ZNF532: variants seen among roughly 807,000 people sequenced by gnomAD.
The protein encoded by ZNF532 is zinc finger protein 532.
ZNF532 carries 22 observed loss-of-function variants against 89.3 expected under a neutral mutation model. The ratio of observed to expected loss-of-function variants is 0.25; its 90% CI spans 0.18 to 0.35. ZNF532 has a LOEUF of 0.35. ZNF532 is among the 10% of genes least tolerant of loss of function. The pLI, the probability that ZNF532 is intolerant of heterozygous loss-of-function variation, is 1.00. For synonymous variants in ZNF532, 606 were observed against 649.6 expected (o/e 0.93, Z 1.02); for missense variants, 1,132 against 1,643.4 (o/e 0.69, Z 5.38).
chr18:58,955,558 G>A (rs1353951807), intron 7 of ZNF532, among the ~76,000 whole-genome samples: 1 of 152,164 alleles, frequency 6.6e-6, no homozygotes. Context: ...GAACTATTCT[G>A]TAATCTCATT....
intron 8 of ZNF532, chr18:58,981,255 C>T (rs1257691537): frequency 1.7e-6 from 1 of 581,860 alleles, no homozygotes; most frequent in Non-Finnish European, 3.1e-6. Context: ...TTTTGAAATG[C>T]AATATTTTCC....
intron 7 of ZNF532, among the ~76,000 whole-genome samples, chr18:58,961,683 A>G (rs920559724): frequency 2.0e-5 from 3 of 152,236 alleles, no homozygotes; most frequent in Non-Finnish European, 2.9e-5. Context: ...TTTAAGATGG[A>G]TGCTGACAAC....
chr18:58,938,588 A>C (rs2062670716), intron 4 of ZNF532, among the ~76,000 whole-genome samples: 1 of 152,224 alleles, frequency 6.6e-6, no homozygotes, highest in Non-Finnish European at 1.5e-5. Flanking sequence ...TCTAGGAGAC[A>C]AAACACCTAG....
intron 2 of ZNF532, among the ~76,000 whole-genome samples, chr18:58,888,786 AAATATATATAAT>A (rs2058577010): frequency 1.6e-4 from 1 of 6,194 alleles, no homozygotes; most frequent in African/African-American, 3.6e-4. Flanking sequence ...TATATATATA[AAATATATATAAT>A]TTATATATAT....
chr18:58,928,173 G>T (rs1268427422), intron 3 of ZNF532, among the ~76,000 whole-genome samples: 1 of 152,110 alleles, frequency 6.6e-6, no homozygotes, highest in Non-Finnish European at 1.5e-5. Flanking sequence ...CCAGCAGAGG[G>T]TCTGTCTGCC....
At chr18:58,968,857 A>G (rs1001317285) in intron 7 of ZNF532, among the ~76,000 whole-genome samples, 1 of 152,220 alleles carries the variant, frequency 6.6e-6, no homozygotes, top group Non-Finnish European at 1.5e-5. Context: ...TTTCTTTAGG[A>G]AAATGTGTTC....
chr18:58,885,687 T>C (rs963266894), intron 2 of ZNF532, among the ~76,000 whole-genome samples: 1 of 152,008 alleles, frequency 6.6e-6, no homozygotes, highest in Non-Finnish European at 1.5e-5. Flanking sequence ...AAACTCCGTT[T>C]CTACAAAAAC....
At chr18:58,982,412 G>C (rs1356846961) in intron 9 of ZNF532, among the ~76,000 whole-genome samples, 1 of 152,074 alleles carries the variant, frequency 6.6e-6, no homozygotes, top group South Asian at 2.1e-4. Flanking sequence ...CTTGAGGCTA[G>C]GAGTTCGAGA....
chr18:58,978,513 C>CA (rs1417915125), intron 7 of ZNF532, among the ~76,000 whole-genome samples: 1 of 152,122 alleles, frequency 6.6e-6, no homozygotes, highest in African/African-American at 2.4e-5. Flanking sequence ...TGTGTTGAAT[C>CA]AAAAACCTGT....
intron 2 of ZNF532, among the ~76,000 whole-genome samples, chr18:58,879,537 T>TG (rs974862103): frequency 1.3e-5 from 2 of 151,908 alleles, no homozygotes; most frequent in African/African-American, 4.8e-5. Context: ...TACAGGTGCT[T>TG]GCCACCACGC....
intron 8 of ZNF532, chr18:58,980,819 T>TTTAGTAGAGACAGA (rs1449847618): frequency 6.6e-6 from 1 of 152,304 alleles, no homozygotes; most frequent in Non-Finnish European, 1.5e-5. Context: ...ATTTTGTATT[T>TTTAGTAGAGACAGA]TTAGTAGAGA....
At chr18:58,901,902 G>T (rs1455174540) in intron 2 of ZNF532, among the ~76,000 whole-genome samples, 1 of 152,164 alleles carries the variant, frequency 6.6e-6, no homozygotes, top group Non-Finnish European at 1.5e-5. Context: ...GTGCCCACTG[G>T]CTTCCCTCCC....
intron 2 of ZNF532, among the ~76,000 whole-genome samples, chr18:58,883,938 G>A (rs1414992610): frequency 6.6e-6 from 1 of 152,142 alleles, no homozygotes; most frequent in African/African-American, 2.4e-5. Context: ...CTCTGTTGAG[G>A]GAAGCAAGCC....
At chr18:58,945,506 T>C (rs2063568984) in intron 5 of ZNF532, among the ~76,000 whole-genome samples, 1 of 152,168 alleles carries the variant, frequency 6.6e-6, no homozygotes, top group Non-Finnish European at 1.5e-5. Context: ...CTCAGAATGA[T>C]AGCTACGTAA....
rs1273844832 is a variant in ZNF532, at chr18:58,919,211, G to A, written c.924G>A (p.Pro308=). 17 of 1,613,958 alleles carry A rather than the reference G, an allele frequency of 1.1e-5. No homozygotes were observed. Among genetic ancestry groups the A allele is most frequent in the Admixed American group, 5.0e-5 (3 of 60,000 alleles). ...SPLPKEVNDS[P]RAADKSPESQ... is the part of the protein sequence containing the mutation. ...TACCAAAAGAAGTAAATGACAGTCC[G>A]AGAGCCGCTGACAAGTCTCCTGAAT... Residue 308 remains proline (P), a synonymous_variant, in exon 3 of 10, where the codon CCG becomes CCA. Coordinates refer to ENST00000591808, the MANE Select transcript of ZNF532 (RefSeq NM_001375912.1). This position sits in a 1 kb window ranked among gnomAD's most constrained non-coding sequence, Gnocchi z 6.1.
intron 3 of ZNF532, among the ~76,000 whole-genome samples, chr18:58,926,539 G>T (rs2061540203): frequency 6.6e-6 from 1 of 152,068 alleles, no homozygotes; most frequent in South Asian, 2.1e-4. Flanking sequence ...GTTGAGATGG[G>T]GTTTCTCCAT....
At chr18:58,959,261 TTTTTTTTTGTTTTTTTTTGG>T (rs1210761261) in intron 7 of ZNF532, among the ~76,000 whole-genome samples, 41 of 126,094 alleles carry the variant, frequency 3.3e-4, no homozygotes, top group African/African-American at 1.6e-3. Flanking sequence ...TTGTTTTTTG[TTTTTTTTTGTTTTTTTTTGG>T]TTTTTTTTTT....
intron 5 of ZNF532, among the ~76,000 whole-genome samples, chr18:58,941,436 A>C (rs940616466): frequency 6.6e-6 from 1 of 151,638 alleles, no homozygotes; most frequent in Non-Finnish European, 1.5e-5. Flanking sequence ...TATAGAAAAC[A>C]ATTATTCCAG....
At chr18:58,980,344 T>TATTTCC (rs1212073025) in intron 8 of ZNF532, 2 of 152,332 alleles carry the variant, frequency 1.3e-5, no homozygotes, top group East Asian at 3.9e-4. Context: ...AGGTTTTGTT[T>TATTTCC]ATTTCCCCAT....
Sources: allele counts gnomAD v4.1 joint callset (sites outside exome capture counted in the v4.1 genomes callset), GRCh38; gene constraint gnomAD v4.1.1; non-coding constraint Gnocchi (gnomAD v3.1); transcripts MANE v1.5; gene names NCBI Gene and HGNC (gene_info 2026-07-23, HGNC 2026-07-21).